The following RUNX1 variants were observed in gnomAD, a reference collection of about 807,000 sequenced individuals.
The protein encoded by RUNX1 is runt-related transcription factor 1.
A neutral mutation model predicts 42.8 loss-of-function variants in RUNX1; 19 were observed. That is an observed-to-expected ratio of 0.44 (90% CI 0.31 to 0.65). The LOEUF (loss-of-function observed/expected upper bound fraction) is 0.65. Among genes scored for constraint, RUNX1 ranks in the 30% least tolerant of loss-of-function variants. The pLI, the probability that RUNX1 is intolerant of heterozygous loss-of-function variation, is 0.07. For synonymous variants in RUNX1, 271 were observed against 289.4 expected, an observed-to-expected ratio of 0.94 and a Z score of 0.64; for missense variants, 528 against 672.0, an observed-to-expected ratio of 0.79 and a Z score of 2.37.
chr21:34,929,327 A>G (rs950162969), intron 2 of RUNX1, among the ~76,000 whole-genome samples: 4 of 152,216 alleles, frequency 2.6e-5, no homozygotes, highest in Non-Finnish European at 4.4e-5. Context: ...CCAGCAGTTT[A>G]TCACCTGGAA....
chr21:34,974,695 T>C (rs1457317045), intron 2 of RUNX1, among the ~76,000 whole-genome samples: 1 of 152,224 alleles, frequency 6.6e-6, no homozygotes, highest in East Asian at 1.9e-4. Context: ...AGAAACGGCC[T>C]TCCCCACACT....
chr21:35,001,390 C>T (rs2059042392), intron 2 of RUNX1, among the ~76,000 whole-genome samples: 1 of 151,016 alleles, frequency 6.6e-6, no homozygotes, highest in African/African-American at 2.4e-5. Context: ...AGTTCTATGG[C>T]ACTAATTACA....
intron 2 of RUNX1, among the ~76,000 whole-genome samples, chr21:35,017,778 A>G (rs1389211007): frequency 1.3e-5 from 2 of 152,164 alleles, no homozygotes; most frequent in African/African-American, 4.8e-5. Context: ...AGCCGTCTTC[A>G]GGAAAGGAGC....
At chr21:35,046,145 G>A (rs942304898) in intron 2 of RUNX1, among the ~76,000 whole-genome samples, 7 of 152,130 alleles carry the variant, frequency 4.6e-5, no homozygotes, top group East Asian at 1.9e-4. Context: ...AATTTCAATC[G>A]CATCTTGTCT....
At chr21:34,851,017 A>C (rs1347257787) in intron 6 of RUNX1, among the ~76,000 whole-genome samples, 1 of 152,144 alleles carries the variant, frequency 6.6e-6, no homozygotes, top group Non-Finnish European at 1.5e-5. Flanking sequence ...GGTACTACCA[A>C]CTGTCCCCGT....
At chr21:34,833,429 T>C (rs1212716795) in intron 7 of RUNX1, 1 of 152,222 alleles carries the variant, frequency 6.6e-6, no homozygotes, top group East Asian at 1.9e-4. Flanking sequence ...GAACCCAAAA[T>C]AGAGAGCTAC....
chr21:35,042,760 C>G (rs1340044430), intron 2 of RUNX1, among the ~76,000 whole-genome samples: 1 of 152,230 alleles, frequency 6.6e-6, no homozygotes, highest in African/African-American at 2.4e-5. Flanking sequence ...ACTGCTCACT[C>G]TGGAACTCCT....
intron 7 of RUNX1, among the ~76,000 whole-genome samples, chr21:34,823,267 C>T (rs535857472): frequency 6.6e-6 from 1 of 152,242 alleles, no homozygotes; most frequent in South Asian, 2.1e-4. Flanking sequence ...GCAGTGTCCT[C>T]CATACTTCCA....
chr21:34,799,176 A>C, intron 8 of RUNX1, 125 bp downstream of exon 8: 12 of 993,542 alleles, frequency 1.2e-5, no homozygotes, highest in Non-Finnish European at 1.8e-5. Flanking sequence ...GACTCAGAGT[A>C]GAGATAGGTC....
intron 6 of RUNX1, among the ~76,000 whole-genome samples, chr21:34,836,630 C>T (rs1023184009): frequency 6.6e-6 from 1 of 152,210 alleles, no homozygotes; most frequent in Non-Finnish European, 1.5e-5. Flanking sequence ...AAGAAGAAGG[C>T]AGGAACAATG....
rs9984145 is a variant in RUNX1, at chr21:34,801,189, G to C, written c.806-1727C>G. 8.7e-3 allele frequency among the ~76,000 whole-genome samples: 1,327 copies of C among 151,720 alleles called. 24 individuals are homozygous for C. Among genetic ancestry groups the C allele is most frequent in the African/African-American group, 0.03 (1,243 of 41,328 alleles). On this transcript the variant is annotated intron_variant, in intron 7 of 8. Transcript: ENST00000675419. ...CACACATTTACTAAGTGAATATATA[G>C]TACTCCAATACTTTAATCATTTTAA...
intron 6 of RUNX1, among the ~76,000 whole-genome samples, chr21:34,846,619 A>G (rs935196739): frequency 2.0e-5 from 3 of 152,162 alleles, no homozygotes; most frequent in Non-Finnish European, 2.9e-5. Flanking sequence ...AGGGCCAGAC[A>G]TAGACTCCAC....
chr21:35,042,958 A>G (rs990459943), intron 2 of RUNX1, among the ~76,000 whole-genome samples: 1 of 152,168 alleles, frequency 6.6e-6, no homozygotes, highest in Non-Finnish European at 1.5e-5. Flanking sequence ...ACTCAGTGTT[A>G]TTGCAAGATG....
intron 3 of RUNX1, chr21:34,888,138 T>C (rs1248288427): frequency 2.8e-6 from 3 of 1,066,214 alleles, no homozygotes; most frequent in Non-Finnish European, 3.4e-6. Context: ...ATCAGCTGGG[T>C]GACTCAGCCC....
At chr21:34,897,046 T>C (rs1488895907) in intron 2 of RUNX1, among the ~76,000 whole-genome samples, 7 of 152,186 alleles carry the variant, frequency 4.6e-5, no homozygotes, top group East Asian at 3.8e-4. Flanking sequence ...GTGTTTGCCA[T>C]GTGTATTTTA....
At chr21:34,913,854 C>T (rs960304837) in intron 2 of RUNX1, among the ~76,000 whole-genome samples, 1 of 152,104 alleles carries the variant, frequency 6.6e-6, no homozygotes, top group Admixed American at 6.6e-5. Context: ...GCTTAGGAGA[C>T]TCTAAAAATA....
intron 6 of RUNX1, among the ~76,000 whole-genome samples, chr21:34,847,821 T>A (rs946886098): frequency 6.6e-6 from 1 of 152,224 alleles, no homozygotes; most frequent in Non-Finnish European, 1.5e-5. Flanking sequence ...TGAAGCCAGT[T>A]CAGTGATGCA....
Position 35,048,917 on chromosome 21 carries a change from G to A in RUNX1, c.-18C>T, listed in dbSNP as rs1204697814. The A allele has an allele frequency of 3.1e-6, 5 of 1,612,326 alleles. No homozygotes were observed. Among genetic ancestry groups the A allele is most frequent in the African/African-American group, 1.3e-5 (1 of 74,962 alleles). The stretch of plus-strand genomic sequence containing the variant: ...GAAGCCATCGCTTCCTCCTGAAAAT[G>A]CACCCTCTTCTGAAGGCGGGGGACT... On this transcript the variant is annotated 5_prime_UTR_variant, in exon 2 of 9. Coordinates refer to ENST00000675419, the MANE Select transcript of RUNX1 (RefSeq NM_001754.5).
chr21:34,961,251 G>A lies in RUNX1; in HGVS notation c.59-68288C>T, dbSNP rs1417677584. Among the ~76,000 whole-genome samples, 4 of 152,126 alleles carry A rather than the reference G, an allele frequency of 2.6e-5. No homozygotes were observed. In the East Asian group the frequency reaches 7.7e-4, roughly 29 times the overall value. On this transcript the variant is annotated intron_variant, in intron 2 of 8. Transcript: ENST00000675419. Reference sequence around the variant, plus strand: ...TAGCCGGACGTGGTGGCATATGCCTGTAGTCCCAGCTACTCAGGAGGCTGA... The same window carrying A: ...TAGCCGGACGTGGTGGCATATGCCTATAGTCCCAGCTACTCAGGAGGCTGA...
Sources: allele counts gnomAD v4.1 joint callset (sites outside exome capture counted in the v4.1 genomes callset), GRCh38; gene constraint gnomAD v4.1.1; transcripts MANE v1.5; gene names NCBI Gene and HGNC (gene_info 2026-07-23, HGNC 2026-07-21).